PIGU: variants seen among roughly 807,000 people sequenced by gnomAD.
The protein encoded by PIGU is GPI-anchor transamidase component PIGU.
In PIGU, 24 loss-of-function variants were observed where a neutral mutation model predicts 49.9. The ratio of observed to expected loss-of-function variants is 0.48; its 90% CI spans 0.35 to 0.68. The LOEUF (loss-of-function observed/expected upper bound fraction) is 0.68, where lower values mean the gene tolerates loss of function less well. Ranked by LOEUF, PIGU falls within the 30% of genes least tolerant of loss-of-function variation. The probability of loss-of-function intolerance (pLI) is 0.01; values close to 1 mark genes in which losing one functional copy is unlikely to be tolerated. For synonymous variants in PIGU, 220 were observed against 205.7 expected, an observed-to-expected ratio of 1.07 and a Z score of -0.59; for missense variants, 490 against 532.6, an observed-to-expected ratio of 0.92 and a Z score of 0.79.
At chr20:34,634,575 A>C (rs766430814) in intron 6 of PIGU, 40 bp downstream of exon 6, 1 of 1,591,930 alleles carries the variant, frequency 6.3e-7, no homozygotes, top group Admixed American at 1.7e-5. Context: ...TCTTGCATAA[A>C]TCAGGGACTG....
intron 7 of PIGU, among the ~76,000 whole-genome samples, chr20:34,600,992 C>A (rs898253594): frequency 6.6e-6 from 1 of 152,016 alleles, no homozygotes; most frequent in Non-Finnish European, 1.5e-5. Flanking sequence ...CGAGATGGTG[C>A]CATTGCACTC....
intron 1 of PIGU, among the ~76,000 whole-genome samples, chr20:34,672,342 T>C (rs141569907): frequency 0.013 from 1,989 of 152,308 alleles, 49 homozygotes; most frequent in African/African-American, 0.044. Flanking sequence ...GGATATGTTA[T>C]TTGTGCCTGC....
chr20:34,657,069 G>T, intron 2 of PIGU, 111 bp downstream of exon 2: 1 of 851,096 alleles, frequency 1.2e-6, no homozygotes, highest in South Asian at 1.8e-5. Flanking sequence ...TTCTAAATAT[G>T]ATCGTCAAGA....
intron 10 of PIGU, among the ~76,000 whole-genome samples, chr20:34,578,349 G>A (rs1983320441): frequency 6.6e-6 from 1 of 152,160 alleles, no homozygotes; most frequent in South Asian, 2.1e-4. Context: ...ATTAAACCAT[G>A]TTACTACCTC....
chr20:34,611,179 G>T (rs576962911), intron 7 of PIGU, among the ~76,000 whole-genome samples: 8 of 152,258 alleles, frequency 5.3e-5, no homozygotes, highest in Non-Finnish European at 7.4e-5. Flanking sequence ...AAAAGCAATT[G>T]CAACGAAAGC....
intron 6 of PIGU, among the ~76,000 whole-genome samples, chr20:34,627,449 AT>A (rs1343820268): frequency 1.3e-5 from 2 of 151,742 alleles, no homozygotes; most frequent in African/African-American, 2.4e-5. Context: ...GTGATATAAA[AT>A]TTTTTTTGCT....
rs1982464706 is a variant in PIGU, at chr20:34,560,858, A to C, written c.*8T>G. 6.3e-7 allele frequency: 1 copy of C among 1,584,412 alleles called. No homozygotes were observed. The highest frequency in any genetic ancestry group is 8.6e-7 in the Non-Finnish European group (1 of 1,157,386). ...CCTGAGGTCCATGCAGCCCTGTGCC[A>C]GCCAGGCCTACTTGAGCACGAGCAT... On this transcript the variant is annotated 3_prime_UTR_variant, in exon 12 of 12. Coordinates refer to ENST00000217446, the MANE Select transcript of PIGU (RefSeq NM_080476.5).
At chr20:34,575,071 T>A (rs761155197) in intron 11 of PIGU, 33 bp downstream of exon 11, 2 of 1,610,338 alleles carry the variant, frequency 1.2e-6, no homozygotes, top group Non-Finnish European at 1.7e-6. Context: ...TGAATTCCTG[T>A]CCCCAAGCTG....
At chr20:34,644,301 G>T in intron 3 of PIGU, 75 bp from the exon 4 acceptor site, 1 of 1,244,942 alleles carries the variant, frequency 8.0e-7, no homozygotes, top group African/African-American at 1.5e-5. Flanking sequence ...CCAGGGCTTG[G>T]AGTTTTGAGA....
chr20:34,630,838 T>C (rs1985680091), intron 6 of PIGU, among the ~76,000 whole-genome samples: 1 of 151,728 alleles, frequency 6.6e-6, no homozygotes, highest in Non-Finnish European at 1.5e-5. Context: ...AGAGACGAGG[T>C]CTCACTATGT....
At chr20:34,661,833 G>T (rs1986936346) in intron 1 of PIGU, among the ~76,000 whole-genome samples, 1 of 152,082 alleles carries the variant, frequency 6.6e-6, no homozygotes, top group Non-Finnish European at 1.5e-5. Context: ...ATTCCCACCA[G>T]TCGTGTATAA....
At position 34,660,687 on chromosome 20, in the gene PIGU, T is replaced by C. The variant is rs1325506762; in HGVS notation, c.131-3443A>G. Among the ~76,000 whole-genome samples the C allele has an allele frequency of 2.0e-5, 3 of 152,280 alleles. No homozygotes were observed. The East Asian group carries it at 5.8e-4, about 29-fold the overall frequency. ...AATAACTGGCAAGTACTCTTAAAAA[T>C]ATTAAGCCTATGTACAACTACTAGG... On this transcript the variant is annotated intron_variant, in intron 1 of 11. Transcript: ENST00000217446.
At chr20:34,637,739 T>C in intron 5 of PIGU, 137 bp downstream of exon 5, 1 of 1,493,114 alleles carries the variant, frequency 6.7e-7, no homozygotes, top group Non-Finnish European at 8.9e-7. Context: ...AGAGCCCAGT[T>C]GTGCAACAGA....
rs180863227 is a variant in PIGU at position 34,641,508 on chromosome 20, C to T, written c.318+2656G>A. 1.5e-4 allele frequency among the ~76,000 whole-genome samples: 23 copies of T among 152,280 alleles called. No individual in the cohort carries two copies. In the East Asian group the frequency reaches 4.0e-3, roughly 27 times the overall value. ...CTCAGCAAAGGACAGACTAGACTAACATTGTTTTTGTCAAGTGAGATAGAT... is the reference window on the plus strand; with the variant it reads ...CTCAGCAAAGGACAGACTAGACTAATATTGTTTTTGTCAAGTGAGATAGAT... On this transcript the variant is annotated intron_variant, in intron 4 of 11. Coordinates refer to ENST00000217446, the MANE Select transcript of PIGU (RefSeq NM_080476.5).
chr20:34,568,645 A>T (rs559976255), intron 11 of PIGU, among the ~76,000 whole-genome samples: 2 of 152,326 alleles, frequency 1.3e-5, no homozygotes, highest in South Asian at 4.1e-4. Flanking sequence ...ACACCAGGCC[A>T]ACTGAGAGGC....
At chr20:34,615,838 T>A (rs1984984374) in intron 7 of PIGU, among the ~76,000 whole-genome samples, 1 of 152,126 alleles carries the variant, frequency 6.6e-6, no homozygotes, top group East Asian at 1.9e-4. Flanking sequence ...CCTGCAGACA[T>A]GGGGAGGTCT....
At chr20:34,589,544 G>C (rs984570825) in intron 7 of PIGU, among the ~76,000 whole-genome samples, 1 of 151,628 alleles carries the variant, frequency 6.6e-6, no homozygotes, top group African/African-American at 2.4e-5. Context: ...GTAGAGACGG[G>C]GTTTCACCAT....
chr20:34,619,574 T>C (rs1445656178), intron 6 of PIGU, among the ~76,000 whole-genome samples: 1 of 152,218 alleles, frequency 6.6e-6, no homozygotes, highest in Non-Finnish European at 1.5e-5. Flanking sequence ...ACTCCATCCA[T>C]TCCTATAGCA....
At chr20:34,574,625 T>A (rs1568621753) in intron 11 of PIGU, among the ~76,000 whole-genome samples, 2 of 152,142 alleles carry the variant, frequency 1.3e-5, no homozygotes, top group African/African-American at 4.8e-5. Flanking sequence ...CTGCCTTTGT[T>A]CCTGCTGTCC....
Sources: gnomAD v4.1 joint callset for allele counts (sites outside exome capture counted in the v4.1 genomes callset) on GRCh38, gnomAD v4.1.1 for gene constraint, MANE v1.5 for transcripts, NCBI Gene and HGNC (gene_info 2026-07-23, HGNC 2026-07-21) for gene names.